GAPVD1: variants seen among roughly 807,000 people sequenced by gnomAD.
GAPVD1 encodes the protein GTPase activating protein and VPS9 domains 1.
A neutral mutation model predicts 155.5 loss-of-function variants in GAPVD1; 35 were observed. That is an observed-to-expected ratio of 0.23 (90% CI 0.17 to 0.30). The LOEUF is 0.30. Among genes scored for constraint, GAPVD1 ranks in the 10% least tolerant of loss-of-function variants. GAPVD1 has a pLI of 1.00. For missense variants in GAPVD1, 1,429 were observed against 1,775.7 expected, an observed-to-expected ratio of 0.80 and a Z score of 3.51; for synonymous variants, 636 against 619.7, an observed-to-expected ratio of 1.03 and a Z score of -0.39.
chr9:125,348,256 C>T (rs1408377533), intron 20 of GAPVD1, among the ~76,000 whole-genome samples: 3 of 152,086 alleles, frequency 2.0e-5, no homozygotes, highest in Non-Finnish European at 2.9e-5. Context: ...GGGGCTTCGC[C>T]ATGTTGCCCA....
At chr9:125,340,322 C>G (rs974439035) in intron 17 of GAPVD1, among the ~76,000 whole-genome samples, 1 of 152,140 alleles carries the variant, frequency 6.6e-6, no homozygotes, top group Non-Finnish European at 1.5e-5. Flanking sequence ...CATCCAGCTT[C>G]TTTGTCATGT....
chr9:125,324,021 A>G (rs111454673), intron 11 of GAPVD1, 98 bp downstream of exon 11: 8 of 958,188 alleles, frequency 8.3e-6, no homozygotes, highest in African/African-American at 4.9e-5. Flanking sequence ...GTTCAGTAAG[A>G]GATTAAATCA....
intron 3 of GAPVD1, 56 bp from the exon 4 acceptor site, chr9:125,298,834 A>G (rs776912167): frequency 6.6e-6 from 5 of 752,754 alleles, no homozygotes; most frequent in Non-Finnish European, 1.0e-5. Flanking sequence ...TTTTGATTTT[A>G]GAAAAGAACT....
chr9:125,351,864 C>G (rs1452196956), intron 23 of GAPVD1, among the ~76,000 whole-genome samples: 1 of 152,122 alleles, frequency 6.6e-6, no homozygotes, highest in African/African-American at 2.4e-5. Flanking sequence ...CCTCAGCCTC[C>G]CAAGTAGCTG....
At chr9:125,275,649 G>C (rs965701848) in intron 2 of GAPVD1, among the ~76,000 whole-genome samples, 1 of 152,116 alleles carries the variant, frequency 6.6e-6, no homozygotes, top group African/African-American at 2.4e-5. Flanking sequence ...CTCGGTGGGA[G>C]GCTGAGGAGG....
Position 125,357,045 on chromosome 9 carries a change from G to T in GAPVD1, c.3971+1188G>T, listed in dbSNP as rs569932729. Among the ~76,000 whole-genome samples, 4 of 152,104 alleles carry T rather than the reference G, an allele frequency of 2.6e-5. No individual in the cohort carries two copies. The South Asian group carries it at 8.3e-4, about 32-fold the overall frequency. On this transcript the variant is annotated intron_variant, in intron 25 of 27. Transcript: ENST00000297933. ...TGGTCTCAAACTGCTAGACACAAGC[G>T]ATCCTTCTGCTTCAGCCTCCCAAAG... is the stretch of plus-strand genomic sequence containing the variant.
chr9:125,281,089 T>C (rs1283071399), intron 2 of GAPVD1, among the ~76,000 whole-genome samples: 1 of 152,180 alleles, frequency 6.6e-6, no homozygotes, highest in East Asian at 1.9e-4. Context: ...AGAAAAAATA[T>C]TTTTAGTGTG....
At position 125,317,977 on chromosome 9, in the gene GAPVD1, A is replaced by C. The variant is rs561277202; in HGVS notation, c.1603-3456A>C. ...TGAGATTATCTAGTCTCAGGAGCAG[A>C]AAGATTACAAAAGACAAAGACATTA... On this transcript the variant is annotated intron_variant, in intron 9 of 27. Coordinates refer to ENST00000297933, the MANE Select transcript of GAPVD1 (RefSeq NM_001282680.3). 1.2e-3 allele frequency among the ~76,000 whole-genome samples: 176 copies of C among 152,298 alleles called. 1 individual carries two copies. Among genetic ancestry groups the C allele is most frequent in the African/African-American group, 3.9e-3 (161 of 41,572 alleles).
Position 125,363,627 on chromosome 9 carries a change from C to T in GAPVD1, c.*881C>T, listed in dbSNP as rs952998131. ...ATACTTTATGGTGGTTCTTCTCCTC[C>T]GAAATAATATACTGCAGAAATCCCA... is the stretch of plus-strand genomic sequence containing the variant. On this transcript the variant is annotated 3_prime_UTR_variant, in exon 28 of 28. Transcript: ENST00000297933. 1.3e-5 allele frequency: 2 copies of T among 152,458 alleles called. No individual in the cohort carries two copies. Among genetic ancestry groups the T allele is most frequent in the African/African-American group, 4.8e-5 (2 of 41,394 alleles). The allele number at this position is 152,458 out of a possible 1,614,324, so 9.4% of individuals were successfully genotyped here. A position where few individuals can be genotyped will look rare whatever the true frequency, so the allele number is the denominator to read the frequency against.
rs146572575 is a variant in GAPVD1, at chr9:125,286,196, G to C, written c.-149-9262G>C. 2.5e-3 allele frequency among the ~76,000 whole-genome samples: 373 copies of C among 152,156 alleles called. 4 individuals are homozygous for C. Among genetic ancestry groups the C allele is most frequent in the African/African-American group, 7.9e-3 (329 of 41,536 alleles). ...TGGCGCAATTATAGCTCACTGCAAC[G>C]TCTGCCTCCTGGGCTCAATCAATCC... On this transcript the variant is annotated intron_variant, in intron 2 of 27. Coordinates refer to ENST00000297933, the MANE Select transcript of GAPVD1 (RefSeq NM_001282680.3).
intron 2 of GAPVD1, among the ~76,000 whole-genome samples, chr9:125,285,453 G>GTTTTTTTTTTTTTTT (rs10659223): frequency 1.1e-5 from 1 of 94,688 alleles, no homozygotes. Context: ...TTTTTTCTTT[G>GTTTTTTTTTTTTTTT]TTTTTTTTTT....
chr9:125,280,024 A>G (rs573769090), intron 2 of GAPVD1, among the ~76,000 whole-genome samples: 6 of 151,458 alleles, frequency 4.0e-5, no homozygotes, highest in Non-Finnish European at 5.9e-5. Flanking sequence ...CGGCCTCCCA[A>G]AGTGCTGGGA....
chr9:125,323,842 G>A lies in GAPVD1; in HGVS notation c.1777G>A (p.Gly593Arg), dbSNP rs1427308837. Residue 593 changes from glycine (G) to arginine (R), a missense_variant, in exon 11 of 28, where the codon GGA becomes AGA. Physicochemically the swap from Gly to Arg is moderately radical, Grantham distance 125. Coordinates refer to ENST00000297933, the MANE Select transcript of GAPVD1 (RefSeq NM_001282680.3). ...SNSVSSLDLE[G>R]ESVSELGAGP... ...TTCAGTGTCCTCCCTAGACCTAGAAGGAGAGTCTGTGTCAGAACTTGGAGC... is the reference window on the plus strand; with the variant it reads ...TTCAGTGTCCTCCCTAGACCTAGAAAGAGAGTCTGTGTCAGAACTTGGAGC... The A allele has an allele frequency of 6.2e-7, 1 of 1,613,236 alleles. No individual in the cohort carries two copies. The highest frequency in any genetic ancestry group is 1.7e-5 in the Admixed American group (1 of 60,014).
chr9:125,267,984 G>T (rs1292540666), intron 1 of GAPVD1, among the ~76,000 whole-genome samples: 1 of 151,912 alleles, frequency 6.6e-6, no homozygotes, highest in Non-Finnish European at 1.5e-5. Flanking sequence ...CCGACATGAT[G>T]AAATCCCATC....
chr9:125,293,867 T>A lies in GAPVD1; in HGVS notation c.-149-1591T>A, dbSNP rs1049119468. On this transcript the variant is annotated intron_variant, in intron 2 of 27. Coordinates refer to ENST00000297933, the MANE Select transcript of GAPVD1 (RefSeq NM_001282680.3). ...AAAATATATTTTATATATATATATA[T>A]ATATATATATATATATATATATATA... 7.3e-3 allele frequency among the ~76,000 whole-genome samples: 133 copies of A among 18,194 alleles called. 10 individuals are homozygous for A. In the South Asian group the frequency reaches 0.08, roughly 11 times the overall value. 11.9% of individuals were successfully genotyped at this position (18,194 alleles called of 152,430 possible).
At chr9:125,296,358 G>GTTTTTTTTTTTTTTTTT (rs1554758517) in intron 3 of GAPVD1, among the ~76,000 whole-genome samples, 3 of 121,758 alleles carry the variant, frequency 2.5e-5, no homozygotes, top group African/African-American at 7.1e-5. Context: ...TAGTTCTTAG[G>GTTTTTTTTTTTTTTTTT]TTTTTTTTTT....
intron 23 of GAPVD1, among the ~76,000 whole-genome samples, chr9:125,351,231 C>T (rs750805023): frequency 1.6e-4 from 24 of 152,178 alleles, no homozygotes; most frequent in Admixed American, 6.5e-5. Flanking sequence ...TTCACTATCA[C>T]GAGAACAGCA....
At chr9:125,326,288 C>A (rs997256789) in intron 11 of GAPVD1, 128 bp from the exon 12 acceptor site, 23 of 615,440 alleles carry the variant, frequency 3.7e-5, no homozygotes, top group Non-Finnish European at 6.2e-5. Context: ...GAGGCCGAGG[C>A]GGGCGGATCA....
chr9:125,306,365 T>A (rs1056564539), intron 6 of GAPVD1, among the ~76,000 whole-genome samples: 3 of 152,128 alleles, frequency 2.0e-5, no homozygotes, highest in African/African-American at 7.2e-5. Flanking sequence ...TGTTTTTCCT[T>A]CTAGAGGTCC....
Sources: gnomAD v4.1 joint callset for allele counts (sites outside exome capture counted in the v4.1 genomes callset) on GRCh38, gnomAD v4.1.1 for gene constraint, MANE v1.5 for transcripts, NCBI Gene and HGNC (gene_info 2026-07-23, HGNC 2026-07-21) for gene names.